The following SORCS3 variants were observed in gnomAD, a reference collection of about 807,000 sequenced individuals.
SORCS3 encodes sortilin related VPS10 domain containing receptor 3.
SORCS3 carries 57 observed loss-of-function variants against 146.3 expected under a neutral mutation model. The ratio of observed to expected loss-of-function variants is 0.39; its 90% CI spans 0.31 to 0.49. The LOEUF (loss-of-function observed/expected upper bound fraction) is 0.49. Among genes scored for constraint, SORCS3 ranks in the 20% least tolerant of loss-of-function variants. SORCS3 has a pLI of 0.92. For synonymous variants in SORCS3, 653 were observed against 618.5 expected (o/e 1.06, Z -0.83); for missense variants, 1,341 against 1,575.5 (o/e 0.85, Z 2.52).
At chr10:105,100,010 A>T (rs946767613) in intron 6 of SORCS3, among the ~76,000 whole-genome samples, 2 of 152,184 alleles carry the variant, frequency 1.3e-5, no homozygotes, top group African/African-American at 4.8e-5. Flanking sequence ...AGTGTAAGGC[A>T]GCCCTTCTCA....
rs1225354793 is a variant in SORCS3, at chr10:105,184,082, T to C, written c.2009+5909T>C. On this transcript the variant is annotated intron_variant, in intron 14 of 26. Coordinates refer to ENST00000369701, the MANE Select transcript of SORCS3 (RefSeq NM_014978.3). ...CATGTTGGTAATCTCTGTGATCTAA[T>C]GATCAAGAAACAGGCCACTTGCAGG... is the stretch of plus-strand genomic sequence containing the variant. 2.6e-5 allele frequency among the ~76,000 whole-genome samples: 4 copies of C among 152,344 alleles called. No homozygotes were observed. The East Asian group carries it at 5.8e-4, about 22-fold the overall frequency.
intron 9 of SORCS3, among the ~76,000 whole-genome samples, chr10:105,151,923 C>T (rs1174855022): frequency 6.6e-6 from 1 of 151,998 alleles, no homozygotes; most frequent in Non-Finnish European, 1.5e-5. Context: ...GATGTCAAGC[C>T]GACTCCTTCA....
chr10:105,142,331 TA>T (rs2056100898), intron 8 of SORCS3, among the ~76,000 whole-genome samples: 1 of 152,172 alleles, frequency 6.6e-6, no homozygotes, highest in African/African-American at 2.4e-5. Flanking sequence ...GGAAATGGCT[TA>T]TTGCAGACCC....
rs1442774347 is a variant in SORCS3, at chr10:105,245,580, C to T, written c.2907C>T (p.Phe969=). ...ITLDSSISFT[F]LAEGTDTITV... ...TGGACAGCAGCATTTCCTTCACATT[C>T]CTTGCAGAAGGAACCGACACCATCA... is the stretch of plus-strand genomic sequence containing the variant. Residue 969 remains phenylalanine, a synonymous_variant, in exon 21 of 27, where the codon TTC becomes TTT. Coordinates refer to ENST00000369701, the MANE Select transcript of SORCS3 (RefSeq NM_014978.3). 1 of 1,614,136 alleles carries T rather than the reference C, an allele frequency of 6.2e-7. No homozygotes were observed. The highest frequency in any genetic ancestry group is 1.7e-5 in the Admixed American group (1 of 60,020).
chr10:104,942,804 T>C (rs139115437), intron 3 of SORCS3, among the ~76,000 whole-genome samples: 7 of 152,332 alleles, frequency 4.6e-5, no homozygotes, highest in African/African-American at 9.6e-5. Context: ...GTGTAGTTTT[T>C]AAGAAGCCAA....
At chr10:104,681,420 C>T (rs139507207) in intron 1 of SORCS3, among the ~76,000 whole-genome samples, 100 of 152,254 alleles carry the variant, frequency 6.6e-4, no homozygotes, top group African/African-American at 1.8e-3. Flanking sequence ...CGTCTTTTTG[C>T]GTCAATTCAC....
chr10:104,950,190 C>G (rs536591475), intron 3 of SORCS3, among the ~76,000 whole-genome samples: 1 of 152,258 alleles, frequency 6.6e-6, no homozygotes, highest in South Asian at 2.1e-4. Flanking sequence ...ACTCAAGATC[C>G]TTTTCAAAAT....
intron 22 of SORCS3, among the ~76,000 whole-genome samples, chr10:105,250,215 A>T (rs1468280789): frequency 1.3e-5 from 2 of 151,846 alleles, no homozygotes; most frequent in Non-Finnish European, 2.9e-5. Flanking sequence ...TGACCTAATC[A>T]CCTCTCAAGG....
intron 6 of SORCS3, among the ~76,000 whole-genome samples, chr10:105,098,314 G>T (rs1414722776): frequency 1.3e-5 from 2 of 152,144 alleles, no homozygotes; most frequent in Non-Finnish European, 2.9e-5. Context: ...TGAGATATAG[G>T]ATTGTCTTTG....
chr10:104,747,319 T>G (rs2016922499), intron 1 of SORCS3, among the ~76,000 whole-genome samples: 1 of 152,210 alleles, frequency 6.6e-6, no homozygotes, highest in Admixed American at 6.5e-5. Context: ...ATCAGTCACA[T>G]TAAGGAGTCC....
chr10:105,221,936 A>G (rs980385393), intron 19 of SORCS3, among the ~76,000 whole-genome samples: 1 of 152,072 alleles, frequency 6.6e-6, no homozygotes, highest in African/African-American at 2.4e-5. Flanking sequence ...ACAGAAATAT[A>G]GAAAGGAAAG....
chr10:105,106,900 C>A (rs2055825775), intron 7 of SORCS3, among the ~76,000 whole-genome samples: 1 of 152,136 alleles, frequency 6.6e-6, no homozygotes, highest in South Asian at 2.1e-4. Flanking sequence ...ATACATAGCA[C>A]CAGTCACTAC....
chr10:105,156,278 C>A lies in SORCS3; in HGVS notation c.1483-860C>A, dbSNP rs147785581. 1.8e-3 allele frequency among the ~76,000 whole-genome samples: 278 copies of A among 152,294 alleles called. 1 individual carries two copies. Among genetic ancestry groups the A allele is most frequent in the African/African-American group, 6.5e-3 (269 of 41,560 alleles). ...TCTATGGAAAAAGAGTTAAGGGAAT[C>A]TTTCTTTGATGCAGGATGTTGTCAT... On this transcript the variant is annotated intron_variant, in intron 9 of 26. Transcript: ENST00000369701.
At chr10:105,028,252 A>G (rs1203073359) in intron 4 of SORCS3, among the ~76,000 whole-genome samples, 1 of 152,202 alleles carries the variant, frequency 6.6e-6, no homozygotes, top group Admixed American at 6.5e-5. Context: ...CTGTTTTCTC[A>G]GAATCTAGAA....
intron 4 of SORCS3, among the ~76,000 whole-genome samples, chr10:105,035,197 A>G (rs987963322): frequency 6.6e-6 from 1 of 152,204 alleles, no homozygotes; most frequent in Non-Finnish European, 1.5e-5. Flanking sequence ...CTGAAGATTT[A>G]TGAAGAAATG....
intron 1 of SORCS3, among the ~76,000 whole-genome samples, chr10:104,810,460 T>C (rs1267080469): frequency 6.6e-6 from 1 of 152,232 alleles, no homozygotes; most frequent in Non-Finnish European, 1.5e-5. Flanking sequence ...ATTATACAAG[T>C]AGACATTTCA....
At chr10:104,855,129 T>C (rs2018315519) in intron 2 of SORCS3, among the ~76,000 whole-genome samples, 1 of 152,238 alleles carries the variant, frequency 6.6e-6, no homozygotes, top group Admixed American at 6.5e-5. Context: ...TTGTCAAAAA[T>C]CAGTTGTACA....
At chr10:104,734,357 C>T (rs1003344805) in intron 1 of SORCS3, among the ~76,000 whole-genome samples, 5 of 152,188 alleles carry the variant, frequency 3.3e-5, no homozygotes, top group African/African-American at 1.2e-4. Context: ...GCCTGGAGCT[C>T]TAGAAGAGAG....
At chr10:105,208,811 G>A (rs1350340008) in intron 16 of SORCS3, among the ~76,000 whole-genome samples, 1 of 152,084 alleles carries the variant, frequency 6.6e-6, no homozygotes, top group East Asian at 1.9e-4. Context: ...GAGCTCTCAT[G>A]GGCTACTACA....
Sources: allele counts gnomAD v4.1 joint callset (sites outside exome capture counted in the v4.1 genomes callset), GRCh38; gene constraint gnomAD v4.1.1; transcripts MANE v1.5; gene names NCBI Gene and HGNC (gene_info 2026-07-23, HGNC 2026-07-21).